The following UBE2D2 variants were observed in gnomAD, a reference collection of about 807,000 sequenced individuals.
UBE2D2 encodes the protein ubiquitin-conjugating enzyme E2 D2.
A neutral mutation model predicts 24.2 loss-of-function variants in UBE2D2; 2 were observed. That is an observed-to-expected ratio of 0.08 (90% confidence interval 0.03 to 0.26). UBE2D2 has a LOEUF of 0.26. UBE2D2 is among the 10% of genes least tolerant of loss of function. The pLI, the probability that UBE2D2 is intolerant of heterozygous loss-of-function variation, is 1.00. For synonymous variants in UBE2D2, 58 were observed against 56.5 expected, an observed-to-expected ratio of 1.03 and a Z score of -0.12; for missense variants, 44 against 177.6, an observed-to-expected ratio of 0.25 and a Z score of 4.28.
In UBE2D2 at chr5:139,534,318, G is replaced by A. The variant is rs970779244; in HGVS notation, c.-64+7706G>A. ...GCAGTGGCTCACGCCTGTAATCCCAGCACTTTGGAAGCCTGAGGCAGGCTG... is the reference window on the plus strand; with the variant it reads ...GCAGTGGCTCACGCCTGTAATCCCAACACTTTGGAAGCCTGAGGCAGGCTG... On this transcript the variant is annotated intron_variant, in intron 1 of 6. Coordinates refer to the UBE2D2 transcript ENST00000511725. 2.0e-5 allele frequency among the ~76,000 whole-genome samples: 3 copies of A among 151,932 alleles called. No homozygotes were observed. In the East Asian group the frequency reaches 5.9e-4, roughly 30 times the overall value.
At chr5:139,538,026 G>C (rs1487740687) in intron 1 of UBE2D2, among the ~76,000 whole-genome samples, 1 of 150,398 alleles carries the variant, frequency 6.6e-6, no homozygotes, top group African/African-American at 2.4e-5. Flanking sequence ...CAGTTTTTTT[G>C]TTTGTTTGTT....
intron 1 of UBE2D2, among the ~76,000 whole-genome samples, chr5:139,550,361 A>C (rs902935116): frequency 6.6e-6 from 1 of 152,154 alleles, no homozygotes; most frequent in African/African-American, 2.4e-5. Flanking sequence ...CGTCTAGCTC[A>C]GGGATTGTAA....
intron 5 of UBE2D2, among the ~76,000 whole-genome samples, chr5:139,615,345 C>T (rs1754400492): frequency 6.6e-6 from 1 of 152,080 alleles, no homozygotes; most frequent in African/African-American, 2.4e-5. Context: ...ATTAGCTGGG[C>T]ATGGTGGCAG....
At chr5:139,538,725 T>C (rs1243535006) in intron 1 of UBE2D2, among the ~76,000 whole-genome samples, 5 of 151,862 alleles carry the variant, frequency 3.3e-5, no homozygotes, top group Admixed American at 1.3e-4. Context: ...ACAAAGGAAT[T>C]AGCCGGGCAT....
At chr5:139,589,224 A>C (rs1346317168) in intron 1 of UBE2D2, among the ~76,000 whole-genome samples, 2 of 151,940 alleles carry the variant, frequency 1.3e-5, no homozygotes, top group Admixed American at 1.3e-4. Flanking sequence ...AGGCCACTGC[A>C]TTCCTGCCTG....
intron 1 of UBE2D2, among the ~76,000 whole-genome samples, chr5:139,530,435 G>T (rs1752586854): frequency 6.6e-6 from 1 of 152,062 alleles, no homozygotes; most frequent in Non-Finnish European, 1.5e-5. Flanking sequence ...ATAATGAATG[G>T]CCCTCTGAAA....
At chr5:139,583,744 G>A (rs923864048) in intron 1 of UBE2D2, among the ~76,000 whole-genome samples, 3 of 152,080 alleles carry the variant, frequency 2.0e-5, no homozygotes, top group Non-Finnish European at 4.4e-5. Flanking sequence ...CCTGGGCGAC[G>A]GAGCGAGACT....
At chr5:139,610,610 T>C (rs889202273) in intron 2 of UBE2D2, among the ~76,000 whole-genome samples, 15 of 150,744 alleles carry the variant, frequency 1.0e-4, no homozygotes, top group Non-Finnish European at 1.9e-4. Flanking sequence ...CAGTGGCTTA[T>C]ACCTGTAATC....
At chr5:139,567,138 C>T (rs554113310) in intron 1 of UBE2D2, among the ~76,000 whole-genome samples, 78 of 151,756 alleles carry the variant, frequency 5.1e-4, no homozygotes, top group African/African-American at 1.5e-3. Context: ...CTTGCTCTGT[C>T]GCCCAGGCTG....
At chr5:139,546,745 C>CAA (rs1281337775) in intron 1 of UBE2D2, among the ~76,000 whole-genome samples, 1 of 151,972 alleles carries the variant, frequency 6.6e-6, no homozygotes, top group Non-Finnish European at 1.5e-5. Flanking sequence ...CTTAGCCTCC[C>CAA]AAAGTGCTGG....
intron 1 of UBE2D2, among the ~76,000 whole-genome samples, chr5:139,528,688 C>T (rs565998976): frequency 6.6e-6 from 1 of 152,240 alleles, no homozygotes; most frequent in African/African-American, 2.4e-5. Context: ...AACTAGATAC[C>T]AAAGCTTGCT....
chr5:139,528,033 G>A (rs1448644762), intron 1 of UBE2D2, among the ~76,000 whole-genome samples: 4 of 152,238 alleles, frequency 2.6e-5, no homozygotes, highest in Non-Finnish European at 5.9e-5. Context: ...AGCTCTCTCT[G>A]CTATATCCCA....
chr5:139,564,529 C>A (rs575636195), intron 1 of UBE2D2, among the ~76,000 whole-genome samples: 2 of 152,034 alleles, frequency 1.3e-5, no homozygotes, highest in South Asian at 2.1e-4. Context: ...TCCTGGCTCA[C>A]TGCAACTTCC....
chr5:139,592,150 C>A (rs913967294), intron 1 of UBE2D2, among the ~76,000 whole-genome samples: 9 of 152,052 alleles, frequency 5.9e-5, no homozygotes, highest in Non-Finnish European at 7.4e-5. Context: ...TGCAGTGAAC[C>A]AAGATTGCTC....
At chr5:139,527,929 C>G (rs1262602958) in intron 1 of UBE2D2, among the ~76,000 whole-genome samples, 1 of 152,208 alleles carries the variant, frequency 6.6e-6, no homozygotes, top group Non-Finnish European at 1.5e-5. Flanking sequence ...CTGATTGTCC[C>G]CCTTCCACTA....
chr5:139,563,316 ACT>A (rs765770466), intron 1 of UBE2D2, among the ~76,000 whole-genome samples: 1 of 152,026 alleles, frequency 6.6e-6, no homozygotes, highest in African/African-American at 2.4e-5. Context: ...ACTTCTTTTG[ACT>A]CTGATTTCTA....
chr5:139,557,577 G>A (rs1260208297), upstream of UBE2D2, among the ~76,000 whole-genome samples: 1 of 151,924 alleles, frequency 6.6e-6, no homozygotes, highest in Non-Finnish European at 1.5e-5. Context: ...GTGAAACCCT[G>A]TCTCTACTAA....
intron 1 of UBE2D2, among the ~76,000 whole-genome samples, chr5:139,591,126 CTTTTT>C (rs1290379102): frequency 1.5e-5 from 2 of 133,158 alleles, no homozygotes; most frequent in Non-Finnish European, 3.3e-5. Context: ...TTCTCTCTCT[CTTTTT>C]TTTTTTTAAG....
chr5:139,565,471 T>C (rs1753195993), intron 1 of UBE2D2, among the ~76,000 whole-genome samples: 1 of 152,230 alleles, frequency 6.6e-6, no homozygotes. Context: ...TAAGGTTTTC[T>C]GCTGACTTTT....
Sources: allele counts gnomAD v4.1 joint callset (sites outside exome capture counted in the v4.1 genomes callset), GRCh38; gene constraint gnomAD v4.1.1; transcripts MANE v1.5; gene names NCBI Gene and HGNC (gene_info 2026-07-23, HGNC 2026-07-21).